Variants in SLC39A11 observed in about 807,000 individuals in gnomAD.
SLC39A11 encodes solute carrier family 39 member 11, also known as zinc transporter ZIP11.
In SLC39A11, 33 loss-of-function variants were observed where a neutral mutation model predicts 36.1. The observed-to-expected ratio is 0.91, with a 90% confidence interval of 0.69 to 1.22. SLC39A11 has a LOEUF of 1.22. Among genes scored for constraint, SLC39A11 ranks in the 50% most tolerant of loss-of-function variants. The pLI, the probability that SLC39A11 is intolerant of heterozygous loss-of-function variation, is 0.00. For missense variants in SLC39A11, 432 were observed against 430.3 expected (o/e 1.00, Z -0.03); for synonymous variants, 166 against 170.3 (o/e 0.97, Z 0.20).
chr17:73,003,102 T>A (rs527784955), intron 4 of SLC39A11, among the ~76,000 whole-genome samples: 3 of 152,338 alleles, frequency 2.0e-5, no homozygotes, highest in Admixed American at 1.3e-4. Context: ...ATGGCCCTTA[T>A]TCAGCTGACC....
intron 3 of SLC39A11, among the ~76,000 whole-genome samples, chr17:73,057,669 G>A (rs1279840479): frequency 2.0e-5 from 3 of 152,208 alleles, no homozygotes; most frequent in Non-Finnish European, 4.4e-5. Flanking sequence ...CAGGCGCGGT[G>A]GCTCACGCCT....
At chr17:73,021,270 C>T (rs1188556306) in intron 4 of SLC39A11, among the ~76,000 whole-genome samples, 1 of 152,080 alleles carries the variant, frequency 6.6e-6, no homozygotes, top group Non-Finnish European at 1.5e-5. Context: ...AGACACGGTC[C>T]CAGTCACCTT....
At chr17:72,900,126 GAAAGAAAGAAAGAAAAAGAAAGAAAGA>G (rs2082275128) in intron 5 of SLC39A11, among the ~76,000 whole-genome samples, 1 of 81,676 alleles carries the variant, frequency 1.2e-5, no homozygotes, top group African/African-American at 8.4e-5. Flanking sequence ...AGAAAGAAAA[GAAAGAAAGAAAGAAAAAGAAAGAAAGA>G]AAAGAAAGAA....
intron 6 of SLC39A11, among the ~76,000 whole-genome samples, chr17:72,758,736 C>A (rs562708192): frequency 6.6e-6 from 1 of 152,168 alleles, no homozygotes; most frequent in Non-Finnish European, 1.5e-5. Flanking sequence ...GACAGCCACC[C>A]GGACTTCACA....
chr17:72,941,970 T>C (rs1476897616), intron 5 of SLC39A11, among the ~76,000 whole-genome samples: 8 of 152,104 alleles, frequency 5.3e-5, no homozygotes, highest in African/African-American at 1.9e-4. Flanking sequence ...AGCCTCTGCC[T>C]CCTGGGTTCA....
chr17:73,010,406 A>G (rs548112068), intron 4 of SLC39A11, among the ~76,000 whole-genome samples: 5 of 152,194 alleles, frequency 3.3e-5, no homozygotes, highest in Non-Finnish European at 5.9e-5. Context: ...AATTATGGAG[A>G]ATGAAACATA....
chr17:72,774,069 G>A (rs1004750691), intron 6 of SLC39A11, among the ~76,000 whole-genome samples: 1 of 152,200 alleles, frequency 6.6e-6, no homozygotes, highest in Non-Finnish European at 1.5e-5. Context: ...GGGCCTCCGT[G>A]TCTCTCTGTT....
At chr17:72,749,811 G>A (rs774132093) in intron 6 of SLC39A11, among the ~76,000 whole-genome samples, 3 of 152,050 alleles carry the variant, frequency 2.0e-5, no homozygotes, top group Non-Finnish European at 4.4e-5. Context: ...CTCTGAGGTG[G>A]GTAGACCATT....
chr17:72,877,834 T>TATA (rs540620892), intron 5 of SLC39A11, among the ~76,000 whole-genome samples: 1,897 of 151,738 alleles, frequency 0.013, 16 homozygotes, highest in Non-Finnish European at 0.018. Flanking sequence ...TTATTATTAT[T>TATA]ATACTTTAAG....
In SLC39A11 at chr17:72,819,557, C is replaced by A. The variant is rs539795071; in HGVS notation, c.601+30077G>T. Reference sequence around the variant, plus strand: ...ATGCAAAGTCCTTCTCTACTTCAGGCAGGAACAAAAGTAACACTAAGAGCG... The same window carrying A: ...ATGCAAAGTCCTTCTCTACTTCAGGAAGGAACAAAAGTAACACTAAGAGCG... On this transcript the variant is annotated intron_variant, in intron 6 of 9. Transcript: ENST00000255559. Among the ~76,000 whole-genome samples the A allele has an allele frequency of 4.0e-5, 6 of 151,464 alleles. No homozygotes were observed. The East Asian group carries it at 1.2e-3, about 29-fold the overall frequency.
chr17:72,769,350 A>C (rs1453033270), intron 6 of SLC39A11, among the ~76,000 whole-genome samples: 2 of 152,200 alleles, frequency 1.3e-5, no homozygotes, highest in East Asian at 3.9e-4. Flanking sequence ...CATTACATAC[A>C]ATAGAACATT....
chr17:72,941,466 A>G (rs1211000404), intron 5 of SLC39A11, among the ~76,000 whole-genome samples: 2 of 152,210 alleles, frequency 1.3e-5, no homozygotes, highest in Non-Finnish European at 2.9e-5. Context: ...CAGCCCTAGC[A>G]AACACATGTG....
At chr17:72,912,667 T>C (rs114327020) in intron 5 of SLC39A11, among the ~76,000 whole-genome samples, 78,252 of 151,508 alleles carry the variant, frequency 0.52, 20,241 homozygotes, top group African/African-American at 0.55. Flanking sequence ...AACCTGAGGG[T>C]ACGGGGGTGA....
intron 4 of SLC39A11, among the ~76,000 whole-genome samples, chr17:73,028,566 G>C (rs2058637426): frequency 6.6e-6 from 1 of 152,004 alleles, no homozygotes; most frequent in Admixed American, 6.6e-5. Context: ...CTCTCACATC[G>C]ACAGCAAGAA....
At position 72,833,189 on chromosome 17, in the gene SLC39A11, T is replaced by TA. The variant is rs1442244169; in HGVS notation, c.601+16444dup. The stretch of plus-strand genomic sequence containing the variant: ...TCAGGCACTGCATCTGGTTTAGAAA[T>TA]ATAGTCTGTGGCCAGGAAACAAAAT... On this transcript the variant is annotated intron_variant, in intron 6 of 9. Coordinates refer to ENST00000255559, the MANE Select transcript of SLC39A11 (RefSeq NM_139177.4). 2.0e-5 allele frequency among the ~76,000 whole-genome samples: 3 copies of TA among 152,172 alleles called. No homozygotes were observed. The South Asian group carries it at 6.2e-4, about 32-fold the overall frequency.
At chr17:72,905,045 C>T (rs930997934) in intron 5 of SLC39A11, among the ~76,000 whole-genome samples, 1 of 151,664 alleles carries the variant, frequency 6.6e-6, no homozygotes, top group African/African-American at 2.4e-5. Flanking sequence ...AGGTGGCGGG[C>T]ACCTGTAGTC....
chr17:72,662,736 GAAAA>G (rs1247357920), intron 7 of SLC39A11, among the ~76,000 whole-genome samples: 1 of 84,498 alleles, frequency 1.2e-5, no homozygotes, highest in African/African-American at 4.6e-5. Flanking sequence ...GAGAGAGAAA[GAAAA>G]AAGAAAAAAA....
chr17:72,944,633 C>T (rs981743835), intron 5 of SLC39A11, among the ~76,000 whole-genome samples: 1 of 152,172 alleles, frequency 6.6e-6, no homozygotes, highest in African/African-American at 2.4e-5. Flanking sequence ...ATAAAGAACT[C>T]CTGGCCTCAT....
chr17:72,650,170 C>T (rs779630704), intron 7 of SLC39A11, among the ~76,000 whole-genome samples: 7 of 152,224 alleles, frequency 4.6e-5, no homozygotes, highest in Non-Finnish European at 8.8e-5. Flanking sequence ...GGTCTGGCAC[C>T]ATCGCTGCAT....
Sources: gnomAD v4.1 joint callset for allele counts (sites outside exome capture counted in the v4.1 genomes callset) on GRCh38, gnomAD v4.1.1 for gene constraint, MANE v1.5 for transcripts, NCBI Gene and HGNC (gene_info 2026-07-23, HGNC 2026-07-21) for gene names.